KHNYN: variants seen among roughly 807,000 people sequenced by gnomAD.
KHNYN encodes the protein KH and NYN domain containing.
KHNYN carries 42 observed loss-of-function variants against 62.7 expected under a neutral mutation model. The observed-to-expected ratio is 0.67, with a 90% CI of 0.52 to 0.87. The LOEUF is 0.87. Among genes scored for constraint, KHNYN ranks in the 40% least tolerant of loss-of-function variants. The probability of loss-of-function intolerance (pLI) is 0.00; values close to 1 mark genes in which losing one functional copy is unlikely to be tolerated. For synonymous variants in KHNYN, 347 were observed against 345.6 expected (o/e 1.00, Z -0.04); for missense variants, 829 against 874.1 (o/e 0.95, Z 0.65).
chr14:24,438,615 A>C lies in KHNYN; in HGVS notation c.*1330A>C, dbSNP rs1340027461. On this transcript the variant is annotated 3_prime_UTR_variant, in exon 8 of 8. Coordinates refer to ENST00000553935, the MANE Select transcript of KHNYN (RefSeq NM_015299.3). ...TGCTTGAAGTCCTCCTGTGCCAGGG[A>C]ATTTACTATCTCCAGGGTAGCACAT... The C allele has an allele frequency of 6.6e-6, 1 of 152,130 alleles. No individual in the cohort carries two copies. Among genetic ancestry groups the C allele is most frequent in the East Asian group, 1.9e-4 (1 of 5,192 alleles). The allele number at this position is 152,130 out of a possible 1,614,324, so 9.4% of individuals were successfully genotyped here. A position where few individuals can be genotyped will look rare whatever the true frequency, so the allele number is the denominator to read the frequency against.
rs1475378575 is a variant in KHNYN, at chr14:24,440,651, C to T, written c.*3366C>T. ...CTGTCTTTAAGACCTCACACCTTCT[C>T]ATCTGCAGGTTGGCTAGAAGTGGTG... On this transcript the variant is annotated 3_prime_UTR_variant, in exon 8 of 8. Coordinates refer to ENST00000553935, the MANE Select transcript of KHNYN (RefSeq NM_015299.3). 3 of 1,361,622 alleles carry T rather than the reference C, an allele frequency of 2.2e-6. No individual in the cohort carries two copies. Among genetic ancestry groups the T allele is most frequent in the South Asian group, 1.3e-5 (1 of 76,984 alleles). 84.3% of individuals were successfully genotyped at this position (1,361,622 alleles called of 1,614,324 possible). A position where few individuals can be genotyped will look rare whatever the true frequency, so the allele number is the denominator to read the frequency against.
At chr14:24,429,725 T>C (rs2043068880), upstream of KHNYN, 2 of 985,274 alleles carry the variant, frequency 2.0e-6, no homozygotes, top group South Asian at 9.4e-5. Context: ...CAACGCATGG[T>C]TCCCCTTTCC....
rs1238089578 is a variant in KHNYN, at chr14:24,441,089, G to A, written c.*3804G>A. The A allele has an allele frequency of 1.2e-5, 9 of 767,534 alleles. No individual in the cohort carries two copies. The highest frequency in any genetic ancestry group is 1.5e-5 in the South Asian group (1 of 66,618). The allele number at this position is 767,534 out of a possible 1,614,324, so 47.5% of individuals were successfully genotyped here. A position where few individuals can be genotyped will look rare whatever the true frequency, so the allele number is the denominator to read the frequency against. ...CCCTTGAACTTCTCCATGACCTGAAGCGTTCCTTCCCTGGAGGAACTCTGG... is the reference window on the plus strand; with the variant it reads ...CCCTTGAACTTCTCCATGACCTGAAACGTTCCTTCCCTGGAGGAACTCTGG... On this transcript the variant is annotated 3_prime_UTR_variant, in exon 8 of 8. Transcript: ENST00000553935.
chr14:24,436,268 G>A, intron 6 of KHNYN, 89 bp downstream of exon 6: 1 of 1,436,738 alleles, frequency 7.0e-7, no homozygotes, highest in African/African-American at 1.4e-5. Flanking sequence ...GAAAACTCTG[G>A]GAAGGAGGTG....
At chr14:24,427,653 T>C (rs2043033103), upstream of KHNYN, 4 of 816,850 alleles carry the variant, frequency 4.9e-6, no homozygotes, top group East Asian at 9.7e-5. The surrounding 1 kb of genome is among the most constrained non-coding windows in gnomAD (Gnocchi z 4.4). Flanking sequence ...CTTGGGTGTT[T>C]GGCACAGGGT....
upstream of KHNYN, among the ~76,000 whole-genome samples, chr14:24,425,756 G>T (rs1330628606): frequency 6.6e-6 from 1 of 152,166 alleles, no homozygotes. Flanking sequence ...GGAGATGAAC[G>T]ATCAAGCCTG....
rs2043285561 is a variant in KHNYN, at chr14:24,440,280, C to T, written c.*2995C>T. 1 of 1,613,968 alleles carries T rather than the reference C, an allele frequency of 6.2e-7. No homozygotes were observed. Among genetic ancestry groups the T allele is most frequent in the Non-Finnish European group, 8.5e-7 (1 of 1,179,870 alleles). On this transcript the variant is annotated 3_prime_UTR_variant, in exon 8 of 8. Coordinates refer to ENST00000553935, the MANE Select transcript of KHNYN (RefSeq NM_015299.3). ...CCCAGGGCAGCACCCAAGGTCTGGG[C>T]AAACTCAGCATTAGTGGCGGAGGAT... is the stretch of plus-strand genomic sequence containing the variant.
Position 24,433,047 on chromosome 14 carries a change from C to T in KHNYN, c.1577+15C>T, listed in dbSNP as rs1374583430. The T allele has an allele frequency of 3.7e-6, 6 of 1,606,686 alleles. No individual in the cohort carries two copies. The highest frequency in any genetic ancestry group is 1.3e-5 in the African/African-American group (1 of 74,894). ...TATGATGACAGGTACTTGCTCCTCT[C>T]CTGGCCCCAGGCTTGATATTGAAGG... On this transcript the variant is annotated intron_variant, in intron 5 of 7. Coordinates refer to ENST00000553935, the MANE Select transcript of KHNYN (RefSeq NM_015299.3).
At chr14:24,434,831 C>G (rs1466788868) in intron 5 of KHNYN, among the ~76,000 whole-genome samples, 2 of 152,186 alleles carry the variant, frequency 1.3e-5, no homozygotes, top group Non-Finnish European at 2.9e-5. Context: ...TGACTGCTCA[C>G]TTAGTACTAG....
At position 24,431,533 on chromosome 14, in the gene KHNYN, T is replaced by G; in HGVS notation, c.272T>G (p.Ile91Ser). The G allele has an allele frequency of 6.2e-7, 1 of 1,611,038 alleles. No individual in the cohort carries two copies. The highest frequency in any genetic ancestry group is 8.5e-7 in the Non-Finnish European group (1 of 1,177,628). ...EIHYPPKLHC[I>S]FLGAQGFFLD... is the part of the protein sequence containing the mutation. ...CACTACCCGCCCAAACTGCACTGCA[T>G]CTTTCTGGGAGCCCAGGGCTTCTTC... The change falls in exon 3 of 8, where the codon ATC (isoleucine) becomes AGC (serine). Residue 91 changes from isoleucine (I) to serine (S), a missense_variant. Around this residue, in one of 2 missense-constraint regions of KHNYN, gnomAD observed 559 missense variants for 527.0 expected, o/e 1.06. Coordinates refer to ENST00000553935, the MANE Select transcript of KHNYN (RefSeq NM_015299.3).
upstream of KHNYN, chr14:24,429,035 T>C: frequency 6.6e-7 from 1 of 1,516,274 alleles, no homozygotes; most frequent in South Asian, 1.2e-5. Context: ...TGGTAGCCAG[T>C]GTGGCTTGGC....
chr14:24,428,508 T>G (rs1594749377), upstream of KHNYN: 3 of 1,387,564 alleles, frequency 2.2e-6, no homozygotes, highest in African/African-American at 3.0e-5. Flanking sequence ...ATAGAAGGAG[T>G]GGCAAGTAGG....
chr14:24,429,188 C>T, upstream of KHNYN: 1 of 899,620 alleles, frequency 1.1e-6, no homozygotes, highest in Admixed American at 2.8e-5. Flanking sequence ...CCTCTCCATA[C>T]CTGTGTCCCA....
chr14:24,428,853 G>A (rs1228532400), upstream of KHNYN: 8 of 1,611,922 alleles, frequency 5.0e-6, no homozygotes, highest in Admixed American at 6.7e-5. Flanking sequence ...CGCCCAGGGG[G>A]TGCCTCTCCC....
At position 24,436,464 on chromosome 14, in the gene KHNYN, GA is replaced by G. The variant is rs763534005; in HGVS notation, c.1763del (p.Asp588ValfsTer4). ...DPLGRNGPTL[D>X]EFLKKPARTQ... ...ACTGGGGCGAAACGGCCCCACCCTG[GA>G]TGAATTTCTGAAGAAGCCAGCCAGG... On this transcript the variant is annotated frameshift_variant, in exon 7 of 8. Coordinates refer to ENST00000553935, the MANE Select transcript of KHNYN (RefSeq NM_015299.3). LOFTEE classifies it high-confidence loss of function. The G allele has an allele frequency of 6.2e-7, 1 of 1,613,056 alleles. No individual in the cohort carries two copies. The highest frequency in any genetic ancestry group is 1.1e-5 in the South Asian group (1 of 91,012).
chr14:24,431,021 G>A (rs2043102066), intron 2 of KHNYN, 90 bp downstream of exon 2: 6 of 1,260,476 alleles, frequency 4.8e-6, no homozygotes, highest in South Asian at 2.9e-5. Flanking sequence ...GCAGGGAAGA[G>A]GAGGGGCCTG....
At chr14:24,428,679 A>G (rs796696071), upstream of KHNYN, 7 of 1,472,100 alleles carry the variant, frequency 4.8e-6, no homozygotes, top group African/African-American at 9.9e-5. Context: ...CAGAGACAGC[A>G]AAGTGGGCTT....
chr14:24,430,807 A>G lies in KHNYN; in HGVS notation c.77A>G (p.Glu26Gly). 1 of 1,611,376 alleles carries G rather than the reference A, an allele frequency of 6.2e-7. No homozygotes were observed. The highest frequency in any genetic ancestry group is 1.1e-5 in the South Asian group (1 of 90,400). The change falls in exon 2 of 8, where the codon GAA becomes GGA. Residue 26 changes from glutamate to glycine, a missense_variant. Physicochemically the swap from Glu to Gly is moderately conservative, Grantham distance 98. This residue lies in a region of KHNYN where 559 missense variants were observed against 527.0 expected (regional missense o/e 1.06). Transcript: ENST00000553935. ...GCGGAGGCTGAGAACAAGGTTCGGG[A>G]ACAGCAGCCCCATGTGGAGCGCATC... ...VSAEAENKVR[E>G]QQPHVERIFS... is the part of the protein sequence containing the mutation.
Position 24,436,187 on chromosome 14 carries a change from A to C in KHNYN, c.1685+8A>C. The C allele has an allele frequency of 6.2e-7, 1 of 1,607,194 alleles. No homozygotes were observed. Among genetic ancestry groups the C allele is most frequent in the Non-Finnish European group, 8.5e-7 (1 of 1,173,870 alleles). The stretch of plus-strand genomic sequence containing the variant: ...GGCAATCATCAGAGAACGGTGAGGG[A>C]GCCCTCCCGCTGAGAACTGGGCACA... On this transcript the variant is annotated splice_region_variant and intron_variant, in intron 6 of 7. Transcript: ENST00000553935.
Sources: allele counts gnomAD v4.1 joint callset (sites outside exome capture counted in the v4.1 genomes callset), GRCh38; gene constraint gnomAD v4.1.1; regional missense constraint gnomAD v4.1.1; non-coding constraint Gnocchi (gnomAD v3.1); transcripts MANE v1.5; gene names NCBI Gene and HGNC (gene_info 2026-07-23, HGNC 2026-07-21).